Variants in ZFHX3 observed in about 807,000 individuals in gnomAD.
ZFHX3 encodes zinc finger homeobox 3, also known as zinc finger homeobox protein 3.
Under a neutral mutation model 279.1 loss-of-function variants are expected in ZFHX3, and 42 were observed. The ratio of observed to expected loss-of-function variants is 0.15; its 90% CI spans 0.12 to 0.19. The LOEUF (loss-of-function observed/expected upper bound fraction) is 0.19. ZFHX3 is among the 10% of genes least tolerant of loss of function. The pLI is 1.00. For missense variants in ZFHX3, 4,981 were observed against 4,754.0 expected (o/e 1.05, Z -1.40); for synonymous variants, 2,293 against 1,957.8 (o/e 1.17, Z -4.52).
chr16:72,971,755 T>C (rs890947970), intron 1 of ZFHX3, among the ~76,000 whole-genome samples: 7 of 152,112 alleles, frequency 4.6e-5, no homozygotes, highest in African/African-American at 1.7e-4. Context: ...TTGTTATTTT[T>C]AAAAGTCCGT....
chr16:73,428,309 G>T (rs2017847831), intron 3 of ZFHX3, among the ~76,000 whole-genome samples: 3 of 152,062 alleles, frequency 2.0e-5, no homozygotes, highest in Admixed American at 2.0e-4. Context: ...CTTTGGTCAG[G>T]CTAAGAAAAC....
Position 73,522,096 on chromosome 16 carries a change from A to C in ZFHX3, c.-1546-65838T>G, listed in dbSNP as rs190975565. On this transcript the variant is annotated intron_variant, in intron 2 of 17. Coordinates refer to the ZFHX3 transcript ENST00000641206. ...ATGAATATAGGAAAGAGAATTCATT[A>C]TTATTCCGTCAATGAAGTTTGACAT... Among the ~76,000 whole-genome samples the C allele has an allele frequency of 2.0e-3, 310 of 152,336 alleles. 1 individual carries two copies. Among genetic ancestry groups the C allele is most frequent in the African/African-American group, 6.8e-3 (283 of 41,578 alleles).
chr16:72,928,173 GGAGGGGAGA>G (rs1959575440), intron 3 of ZFHX3, among the ~76,000 whole-genome samples: 3 of 71,454 alleles, frequency 4.2e-5, no homozygotes, highest in East Asian at 1.2e-3. Flanking sequence ...AGAGGGAGGG[GGAGGGGAGA>G]GAGGGAGGGG....
chr16:72,813,663 A>C (rs2036525279), intron 5 of ZFHX3, among the ~76,000 whole-genome samples: 1 of 144,466 alleles, frequency 6.9e-6, no homozygotes, highest in Non-Finnish European at 1.6e-5. Flanking sequence ...CATTCATAAC[A>C]GTATTTTAAT....
rs118097974 is a variant in ZFHX3 at position 73,142,313 on chromosome 16, G to A, written c.-1024+1439C>T. Among the ~76,000 whole-genome samples the A allele has an allele frequency of 8.5e-5, 13 of 152,252 alleles. No homozygotes were observed. In the East Asian group the frequency reaches 2.5e-3, roughly 29 times the overall value. ...TCAGGACCTCTGAGCCATCAGCACT[G>A]GGCATGTTGTTTTAATATATATCTA... On this transcript the variant is annotated intron_variant, in intron 6 of 17. Transcript: ENST00000641206.
intron 3 of ZFHX3, among the ~76,000 whole-genome samples, chr16:73,431,125 C>A (rs190784209): frequency 6.6e-6 from 1 of 152,196 alleles, no homozygotes; most frequent in Non-Finnish European, 1.5e-5. Flanking sequence ...TAACCCTAAA[C>A]GGCATTGACA....
chr16:73,755,505 TA>T (rs1160296567), intron 1 of ZFHX3, among the ~76,000 whole-genome samples: 1 of 152,206 alleles, frequency 6.6e-6, no homozygotes, highest in Non-Finnish European at 1.5e-5. Flanking sequence ...TCTTCCTTTT[TA>T]AAAGAATCCT....
chr16:73,436,033 T>C (rs1352163626), intron 3 of ZFHX3, among the ~76,000 whole-genome samples: 1 of 152,134 alleles, frequency 6.6e-6, no homozygotes, highest in Non-Finnish European at 1.5e-5. Flanking sequence ...GGGTAATTTA[T>C]AAAGAAAAAG....
intron 3 of ZFHX3, among the ~76,000 whole-genome samples, chr16:73,342,904 G>A (rs995445245): frequency 6.6e-6 from 1 of 152,186 alleles, no homozygotes; most frequent in Non-Finnish European, 1.5e-5. Flanking sequence ...TGGGGGCTGG[G>A]GAACTGGCCC....
intron 1 of ZFHX3, among the ~76,000 whole-genome samples, chr16:73,838,793 T>G (rs1384633543): frequency 6.7e-6 from 1 of 149,262 alleles, no homozygotes; most frequent in Non-Finnish European, 1.5e-5. Flanking sequence ...TGTGTGTGCG[T>G]GCGCGCACGC....
At chr16:73,046,528 A>G (rs1965309911) in intron 1 of ZFHX3, among the ~76,000 whole-genome samples, 1 of 152,124 alleles carries the variant, frequency 6.6e-6, no homozygotes, top group South Asian at 2.1e-4. Flanking sequence ...AACCACAGCC[A>G]TTAACTGAAC....
intron 1 of ZFHX3, among the ~76,000 whole-genome samples, chr16:73,041,200 C>T (rs1965098952): frequency 6.6e-6 from 1 of 152,224 alleles, no homozygotes; most frequent in African/African-American, 2.4e-5. Flanking sequence ...TCCAGTTACA[C>T]ATCTGGGAGT....
chr16:73,227,597 C>A (rs981069053), intron 5 of ZFHX3, among the ~76,000 whole-genome samples: 5 of 151,834 alleles, frequency 3.3e-5, no homozygotes, highest in Admixed American at 6.6e-5. Context: ...ATCTGTAATC[C>A]GAGGACTTTG....
chr16:73,634,433 A>ATATATATATATATATATATAT (rs1197229737), intron 2 of ZFHX3, among the ~76,000 whole-genome samples: 1 of 59,884 alleles, frequency 1.7e-5, no homozygotes, highest in African/African-American at 4.4e-5. Flanking sequence ...TATTATGTAT[A>ATATATATATATATATATATAT]ATATATATAT....
intron 3 of ZFHX3, among the ~76,000 whole-genome samples, chr16:72,941,486 C>T (rs1458613880): frequency 6.6e-6 from 1 of 152,002 alleles, no homozygotes; most frequent in Admixed American, 6.6e-5. Context: ...CACGGGATGC[C>T]CAGTTAAATG....
Position 72,959,951 on chromosome 16 carries a change from G to A in ZFHX3, c.195C>T (p.Thr65=), listed in dbSNP as rs367648794. Residue 65 remains threonine, a synonymous_variant, in exon 2 of 10, where the codon ACC becomes ACT. Transcript: ENST00000268489. ...GCTCGGAGGGGGGCCCGGCCGACGC[G>A]GTGCTCTCCGCGAGGCGCTCATTGA... ...APFNERLAES[T]ASAGPPSEPA... 86 of 1,605,728 alleles carry A rather than the reference G, an allele frequency of 5.4e-5. No individual in the cohort carries two copies. The highest frequency in any genetic ancestry group is 8.9e-5 in the East Asian group (4 of 44,740).
Position 73,570,341 on chromosome 16 carries a change from T to TTACAACA in ZFHX3, c.-1547+109832_-1547+109838dup, listed in dbSNP as rs1161510267. Reference sequence around the variant, plus strand: ...AAATACACATTGATTTAGCATTCTTTTACAACATGGGGATGGTTTTCTCAT... The same window carrying TTACAACA: ...AAATACACATTGATTTAGCATTCTTTTACAACATACAACATGGGGATGGTTTTCTCAT... On this transcript the variant is annotated intron_variant, in intron 2 of 17. Coordinates refer to the ZFHX3 transcript ENST00000641206. Among the ~76,000 whole-genome samples the TTACAACA allele has an allele frequency of 2.0e-5, 3 of 152,330 alleles. No individual in the cohort carries two copies. In the East Asian group the frequency reaches 5.8e-4, roughly 29 times the overall value.
At chr16:73,324,516 G>A (rs914737859) in intron 3 of ZFHX3, among the ~76,000 whole-genome samples, 2 of 152,214 alleles carry the variant, frequency 1.3e-5, no homozygotes, top group Non-Finnish European at 2.9e-5. Flanking sequence ...AGCAAACTAA[G>A]TAAGTAAAGT....
chr16:73,331,509 C>T (rs1386362885), intron 3 of ZFHX3, among the ~76,000 whole-genome samples: 1 of 152,124 alleles, frequency 6.6e-6, no homozygotes, highest in African/African-American at 2.4e-5. Flanking sequence ...CTTCTGTTGC[C>T]ACAGAACAAA....
Sources: allele counts gnomAD v4.1 joint callset (sites outside exome capture counted in the v4.1 genomes callset), GRCh38; gene constraint gnomAD v4.1.1; transcripts MANE v1.5; gene names NCBI Gene and HGNC (gene_info 2026-07-23, HGNC 2026-07-21).